CRACR2A: variants seen among roughly 807,000 people sequenced by gnomAD.
CRACR2A encodes calcium release activated channel regulator 2A.
A neutral mutation model predicts 90.5 loss-of-function variants in CRACR2A; 79 were observed. The ratio of observed to expected loss-of-function variants is 0.87; its 90% confidence interval spans 0.73 to 1.05. The LOEUF (loss-of-function observed/expected upper bound fraction) is 1.05, where lower values mean the gene tolerates loss of function less well. Ranked by LOEUF, CRACR2A falls within the 50% of genes least tolerant of loss-of-function variation. The probability of loss-of-function intolerance (pLI) is 0.00; values close to 1 mark genes in which losing one functional copy is unlikely to be tolerated. For synonymous variants in CRACR2A, 338 were observed against 356.7 expected (o/e 0.95, Z 0.59); for missense variants, 823 against 897.2 (o/e 0.92, Z 1.06).
chr12:3,648,639 G>A (rs1433247931), intron 10 of CRACR2A, 26 bp from the exon 11 acceptor site: 11 of 1,601,744 alleles, frequency 6.9e-6, no homozygotes, highest in Non-Finnish European at 9.4e-6. Flanking sequence ...ACACATGGCA[G>A]TGAGCTCCCA....
intron 17 of CRACR2A, among the ~76,000 whole-genome samples, chr12:3,619,831 G>C (rs1398360076): frequency 6.6e-6 from 1 of 152,222 alleles, no homozygotes; most frequent in East Asian, 1.9e-4. Context: ...AGGCTGCTTT[G>C]ATTAGAAACT....
chr12:3,679,035 C>A lies in CRACR2A; in HGVS notation c.404G>T (p.Arg135Leu). 1 of 1,613,904 alleles carries A rather than the reference C, an allele frequency of 6.2e-7. No individual in the cohort carries two copies. Among genetic ancestry groups the A allele is most frequent in the South Asian group, 1.1e-5 (1 of 91,014 alleles). Residue 135 changes from arginine (R) to leucine (L), a missense_variant, in exon 6 of 20, where the codon CGC (arginine) becomes CTC (leucine). Physicochemically the swap from Arg to Leu is moderately radical, Grantham distance 102. Coordinates refer to ENST00000440314, the MANE Select transcript of CRACR2A (RefSeq NM_001144958.2). The stretch of plus-strand genomic sequence containing the variant: ...GGACAGATACACCTTCTCTTCATGG[C>A]GCTGGGCCACCTGTTCACCTGCATC... ...QEDAGEQVAQ[R>L]HEEKVYLSRG...
At chr12:3,673,711 G>A in intron 6 of CRACR2A, 119 bp from the exon 7 acceptor site, 1 of 1,315,836 alleles carries the variant, frequency 7.6e-7, no homozygotes, top group Non-Finnish European at 1.0e-6. Flanking sequence ...TTATAAAGAT[G>A]ACAGTAGCTA....
At chr12:3,684,546 C>T (rs1195732788) in intron 4 of CRACR2A, among the ~76,000 whole-genome samples, 2 of 152,168 alleles carry the variant, frequency 1.3e-5, no homozygotes, top group Non-Finnish European at 2.9e-5. Context: ...CCTCACCAGT[C>T]GTTTCAATAA....
intron 2 of CRACR2A, among the ~76,000 whole-genome samples, chr12:3,720,073 C>T (rs546456386): frequency 6.6e-6 from 1 of 150,718 alleles, no homozygotes; most frequent in Non-Finnish European, 1.5e-5. Flanking sequence ...GAGCTGAGAT[C>T]GTGCCATTGC....
At chr12:3,663,368 G>T (rs1246234056) in intron 7 of CRACR2A, among the ~76,000 whole-genome samples, 1 of 152,076 alleles carries the variant, frequency 6.6e-6, no homozygotes, top group Non-Finnish European at 1.5e-5. Flanking sequence ...GACTTACCCA[G>T]ACTAGGTTAG....
At chr12:3,699,198 G>A (rs1945792827) in intron 3 of CRACR2A, among the ~76,000 whole-genome samples, 2 of 152,192 alleles carry the variant, frequency 1.3e-5, no homozygotes, top group Non-Finnish European at 2.9e-5. Context: ...AGACCCAGTT[G>A]TGGGCTTGCT....
At chr12:3,703,276 G>T (rs1945862212) in intron 3 of CRACR2A, among the ~76,000 whole-genome samples, 1 of 152,116 alleles carries the variant, frequency 6.6e-6, no homozygotes, top group Non-Finnish European at 1.5e-5. Context: ...TTTTAGTAGA[G>T]ATGGGGTTTC....
In CRACR2A at chr12:3,672,906, A is replaced by G. The variant is rs781175842; in HGVS notation, c.671+540T>C. On this transcript the variant is annotated intron_variant, in intron 7 of 19. Coordinates refer to ENST00000440314, the MANE Select transcript of CRACR2A (RefSeq NM_001144958.2). Reference sequence around the variant, plus strand: ...GGAGAGAGCGGCCAGGAGGAGGGACATTCAGCAGGGCTATAGGTCACCTTA... The same window carrying G: ...GGAGAGAGCGGCCAGGAGGAGGGACGTTCAGCAGGGCTATAGGTCACCTTA... 1.6e-4 allele frequency: 95 copies of G among 582,930 alleles called. 1 individual carries two copies. The highest frequency in any genetic ancestry group is 1.6e-3 in the African/African-American group (78 of 49,502). The allele number at this position is 582,930 out of a possible 1,614,324, so 36.1% of individuals were successfully genotyped here. A position where few individuals can be genotyped will look rare whatever the true frequency, so the allele number is the denominator to read the frequency against.
At chr12:3,672,688 G>A (rs1193756648) in intron 7 of CRACR2A, 1 of 867,458 alleles carries the variant, frequency 1.2e-6, no homozygotes, top group Non-Finnish European at 1.4e-6. Flanking sequence ...TCTCATGAAG[G>A]GACTGGTGTC....
At chr12:3,640,942 G>T (rs914325929) in intron 13 of CRACR2A, among the ~76,000 whole-genome samples, 1 of 152,194 alleles carries the variant, frequency 6.6e-6, no homozygotes, top group African/African-American at 2.4e-5. Context: ...TCATGGAAAC[G>T]ATCTGTCAAG....
chr12:3,714,071 T>A (rs1405341406), intron 2 of CRACR2A, among the ~76,000 whole-genome samples: 1 of 152,250 alleles, frequency 6.6e-6, no homozygotes, highest in Non-Finnish European at 1.5e-5. Context: ...GAAGTCCAGA[T>A]GTATATCACC....
At chr12:3,623,502 C>G (rs534837707) in intron 17 of CRACR2A, among the ~76,000 whole-genome samples, 2 of 152,326 alleles carry the variant, frequency 1.3e-5, no homozygotes, top group Admixed American at 1.3e-4. Flanking sequence ...GTTCTAATTT[C>G]TATTTTCTCT....
At chr12:3,646,881 G>A (rs1242516551) in intron 11 of CRACR2A, among the ~76,000 whole-genome samples, 7 of 152,082 alleles carry the variant, frequency 4.6e-5, no homozygotes, top group Non-Finnish European at 1.5e-5. Flanking sequence ...TGTTTGCATC[G>A]CTGCTCTACT....
chr12:3,616,091 T>C (rs1867675815), intron 19 of CRACR2A, among the ~76,000 whole-genome samples: 1 of 152,278 alleles, frequency 6.6e-6, no homozygotes, highest in Non-Finnish European at 1.5e-5. Context: ...TTGATGTTCC[T>C]ACCTTCCTGA....
intron 2 of CRACR2A, among the ~76,000 whole-genome samples, chr12:3,721,585 CAAAA>C (rs60808773): frequency 8.8e-6 from 1 of 113,728 alleles, no homozygotes. Flanking sequence ...AATCATGTCT[CAAAA>C]AAAAAAAAAA....
Position 3,619,381 on chromosome 12 carries a change from C to G in CRACR2A, c.1933-9G>C. 6.4e-7 allele frequency: 1 copy of G among 1,550,840 alleles called. No homozygotes were observed. Among genetic ancestry groups the G allele is most frequent in the Non-Finnish European group, 8.7e-7 (1 of 1,146,276 alleles). ...CGGTCTCCCACAGCTTCCTGCAGAACAGAAAATGTTTTCAACTGAGAGGGG... is the reference window on the plus strand; with the variant it reads ...CGGTCTCCCACAGCTTCCTGCAGAAGAGAAAATGTTTTCAACTGAGAGGGG... On this transcript the variant is annotated splice_polypyrimidine_tract_variant and intron_variant, in intron 17 of 19. Coordinates refer to ENST00000440314, the MANE Select transcript of CRACR2A (RefSeq NM_001144958.2).
At chr12:3,720,332 AAAAG>A (rs370876636) in intron 2 of CRACR2A, among the ~76,000 whole-genome samples, 44 of 147,062 alleles carry the variant, frequency 3.0e-4, no homozygotes, top group African/African-American at 3.5e-4. Flanking sequence ...AGACAGAAAG[AAAAG>A]AAAGAAAGAA....
intron 14 of CRACR2A, among the ~76,000 whole-genome samples, chr12:3,635,568 G>A (rs1306867352): frequency 2.6e-5 from 4 of 152,130 alleles, no homozygotes; most frequent in African/African-American, 7.2e-5. Context: ...GTGCAGTGGT[G>A]TAATCATAGC....
Sources: gnomAD v4.1 joint callset for allele counts (sites outside exome capture counted in the v4.1 genomes callset) on GRCh38, gnomAD v4.1.1 for gene constraint, MANE v1.5 for transcripts, NCBI Gene and HGNC (gene_info 2026-07-23, HGNC 2026-07-21) for gene names.